Variants in PCDH15 observed in about 807,000 individuals in gnomAD.
The protein encoded by PCDH15 is protocadherin-15.
A neutral mutation model predicts 178.5 loss-of-function variants in PCDH15; 129 were observed. That is an observed-to-expected ratio of 0.72 (90% CI 0.63 to 0.84). The LOEUF (loss-of-function observed/expected upper bound fraction) is 0.84, where lower values mean the gene tolerates loss of function less well. Among genes scored for constraint, PCDH15 ranks in the 40% least tolerant of loss-of-function variants. The pLI is 0.00. For missense variants in PCDH15, 2,230 were observed against 2,099.9 expected (o/e 1.06, Z -1.21); for synonymous variants, 800 against 732.0 (o/e 1.09, Z -1.50).
intron 8 of PCDH15, among the ~76,000 whole-genome samples, chr10:54,247,014 G>C (rs2056008511): frequency 6.6e-6 from 1 of 151,684 alleles, no homozygotes; most frequent in Non-Finnish European, 1.5e-5. Flanking sequence ...ATTCACAAGA[G>C]TTCTTCATAT....
At chr10:54,248,786 G>A (rs2056222438) in intron 8 of PCDH15, among the ~76,000 whole-genome samples, 1 of 152,048 alleles carries the variant, frequency 6.6e-6, no homozygotes, top group Non-Finnish European at 1.5e-5. Context: ...TCAAGCATGT[G>A]TACTTTGATC....
intron 2 of PCDH15, among the ~76,000 whole-genome samples, chr10:54,994,835 T>G (rs114240962): frequency 0.011 from 1,658 of 152,286 alleles, 34 homozygotes; most frequent in African/African-American, 0.038. Context: ...TCTACTGCCT[T>G]TCTAGATCTT....
intron 1 of PCDH15, among the ~76,000 whole-genome samples, chr10:55,261,751 A>G (rs564533563): frequency 6.6e-6 from 1 of 152,306 alleles, no homozygotes; most frequent in Admixed American, 6.5e-5. Context: ...TGAGATGGGT[A>G]ATAAGTTTTT....
At chr10:55,368,734 T>C (rs1185417627) in intron 2 of PCDH15, among the ~76,000 whole-genome samples, 1 of 152,100 alleles carries the variant, frequency 6.6e-6, no homozygotes, top group Non-Finnish European at 1.5e-5. Context: ...TAATGTACTT[T>C]TTCCATTGCT....
chr10:53,994,158 G>A (rs189861578), intron 21 of PCDH15, among the ~76,000 whole-genome samples: 7 of 152,224 alleles, frequency 4.6e-5, no homozygotes, highest in East Asian at 3.9e-4. Context: ...TGGTGGATGC[G>A]CTCTGAATGC....
In PCDH15 at chr10:54,626,471, G is replaced by A. The variant is rs182346671; in HGVS notation, c.91+37701C>T. Among the ~76,000 whole-genome samples, 10 of 152,320 alleles carry A rather than the reference G, an allele frequency of 6.6e-5. No homozygotes were observed. The East Asian group carries it at 1.5e-3, about 24-fold the overall frequency. On this transcript the variant is annotated intron_variant, in intron 2 of 37. Coordinates refer to ENST00000644397, the MANE Select transcript of PCDH15 (RefSeq NM_001384140.1). ...CAAGCCACTCCAGCCATGGGTGAAA[G>A]GGGCCAATTTAGAGCTTGAGCTGTG...
intron 2 of PCDH15, among the ~76,000 whole-genome samples, chr10:55,116,890 C>T (rs983523059): frequency 1.6e-4 from 24 of 152,080 alleles, no homozygotes; most frequent in African/African-American, 4.6e-4. Flanking sequence ...AAAAGAATGC[C>T]CTAATCTCTG....
intron 27 of PCDH15, among the ~76,000 whole-genome samples, chr10:53,860,255 C>A (rs1210618674): frequency 6.6e-6 from 1 of 152,216 alleles, no homozygotes; most frequent in African/African-American, 2.4e-5. Flanking sequence ...AGCTGTTCAT[C>A]CAGCTCTTTC....
chr10:55,189,883 C>G (rs1046468721), intron 1 of PCDH15, among the ~76,000 whole-genome samples: 1 of 151,720 alleles, frequency 6.6e-6, no homozygotes, highest in Non-Finnish European at 1.5e-5. Context: ...AAGCATTTCC[C>G]TATCCCATGA....
At chr10:53,924,672 C>T (rs1406711968) in intron 25 of PCDH15, among the ~76,000 whole-genome samples, 2 of 152,176 alleles carry the variant, frequency 1.3e-5, no homozygotes, top group Non-Finnish European at 2.9e-5. Flanking sequence ...AGAACCTTTA[C>T]GTTTAGCTAA....
At chr10:55,063,702 A>G (rs1591871009) in intron 2 of PCDH15, among the ~76,000 whole-genome samples, 1 of 152,192 alleles carries the variant, frequency 6.6e-6, no homozygotes, top group African/African-American at 2.4e-5. Flanking sequence ...TATAAATCAC[A>G]TTAACAGTAT....
At chr10:54,178,536 T>C (rs925410702) in intron 13 of PCDH15, among the ~76,000 whole-genome samples, 1 of 151,870 alleles carries the variant, frequency 6.6e-6, no homozygotes, top group African/African-American at 2.4e-5. Flanking sequence ...GCACAGAAAT[T>C]GGAAGGAGTG....
chr10:54,700,408 G>A (rs917019753), intron 1 of PCDH15, among the ~76,000 whole-genome samples: 15 of 151,926 alleles, frequency 9.9e-5, no homozygotes, highest in African/African-American at 3.4e-4. Flanking sequence ...ATATTGATAG[G>A]GATGAAGATT....
At chr10:55,567,607 C>A (rs888046679) in intron 2 of PCDH15, among the ~76,000 whole-genome samples, 2 of 151,578 alleles carry the variant, frequency 1.3e-5, no homozygotes, top group African/African-American at 4.8e-5. Flanking sequence ...AAACAAGCAA[C>A]CTGATTCAAA....
intron 3 of PCDH15, among the ~76,000 whole-genome samples, chr10:54,857,120 T>G (rs192303642): frequency 1.6e-3 from 240 of 152,292 alleles, no homozygotes; most frequent in African/African-American, 5.6e-3. Flanking sequence ...GCCTCAATAC[T>G]GTGGGTTTAG....
intron 9 of PCDH15, among the ~76,000 whole-genome samples, chr10:54,216,284 T>G (rs958244567): frequency 7.9e-5 from 12 of 151,436 alleles, no homozygotes; most frequent in Non-Finnish European, 1.6e-4. Flanking sequence ...GGTGAAAACC[T>G]GTCCCTACTA....
intron 2 of PCDH15, among the ~76,000 whole-genome samples, chr10:54,933,708 C>CA (rs1256521486): frequency 6.6e-6 from 1 of 151,932 alleles, no homozygotes; most frequent in Non-Finnish European, 1.5e-5. Flanking sequence ...TAAACCCATG[C>CA]ACCTTAGGTG....
intron 14 of PCDH15, among the ~76,000 whole-genome samples, chr10:54,147,706 GAATATTAAAAGACTTT>G (rs1315699499): frequency 6.6e-6 from 1 of 151,638 alleles, no homozygotes; most frequent in East Asian, 1.9e-4. Context: ...TAAAAGTCTT[GAATATTAAAAGACTTT>G]AATAAAATCA....
At position 55,474,342 on chromosome 10, in the gene PCDH15, A is replaced by C. The variant is rs137898841; in HGVS notation, c.-156+153283T>G. Among the ~76,000 whole-genome samples the C allele has an allele frequency of 5.6e-3, 860 of 152,300 alleles. 1 individual carries two copies. Among genetic ancestry groups the C allele is most frequent in the Non-Finnish European group, 9.5e-3 (647 of 68,014 alleles). On this transcript the variant is annotated intron_variant, in intron 2 of 5. Coordinates refer to the PCDH15 transcript ENST00000613346. The stretch of plus-strand genomic sequence containing the variant: ...AGTAGCATCATTTTAATAACAAAAA[A>C]ACTTCATAAATACAAATTTATATTT...
Sources: allele counts gnomAD v4.1 joint callset (sites outside exome capture counted in the v4.1 genomes callset), GRCh38; gene constraint gnomAD v4.1.1; transcripts MANE v1.5; gene names NCBI Gene and HGNC (gene_info 2026-07-23, HGNC 2026-07-21).